The following PARK7 variants were observed in gnomAD, a reference collection of about 807,000 sequenced individuals.
PARK7 encodes the protein Parkinson disease protein 7.
PARK7 carries 14 observed loss-of-function variants against 20.5 expected under a neutral mutation model. The ratio of observed to expected loss-of-function variants is 0.68; its 90% CI spans 0.45 to 1.07. PARK7 has a LOEUF of 1.07. Ranked by LOEUF, PARK7 falls within the 50% of genes least tolerant of loss-of-function variation. The pLI is 0.00. For synonymous variants in PARK7, 98 were observed against 84.3 expected, an observed-to-expected ratio of 1.16 and a Z score of -0.89; for missense variants, 234 against 238.1, an observed-to-expected ratio of 0.98 and a Z score of 0.11.
chr1:7,969,219 C>A, intron 3 of PARK7, 126 bp from the exon 4 acceptor site: 1 of 729,482 alleles, frequency 1.4e-6, no homozygotes, highest in Non-Finnish European at 2.3e-6. Context: ...TTTAACTGTT[C>A]TATTGGCAGA....
Position 7,969,342 on chromosome 1 carries a change from C to A in PARK7, c.193-3C>A. On this transcript the variant is annotated splice_polypyrimidine_tract_variant and splice_region_variant and intron_variant, in intron 3 of 6. Transcript: ENST00000338639. ...GTTTTCTTTATGTTTTAAACTGTTACAGGGACCATATGATGTGGTGGTTCT... is the reference window on the plus strand; with the variant it reads ...GTTTTCTTTATGTTTTAAACTGTTAAAGGGACCATATGATGTGGTGGTTCT... 1 of 1,610,598 alleles carries A rather than the reference C, an allele frequency of 6.2e-7. No homozygotes were observed. Among genetic ancestry groups the A allele is most frequent in the South Asian group, 1.1e-5 (1 of 90,818 alleles).
In PARK7 at chr1:7,965,404, C is replaced by T. The variant is rs1640303863; in HGVS notation, c.171C>T (p.Ser57=). Reference sequence around the variant, plus strand: ...ATGTGGTCATTTGTCCTGATGCCAGCCTTGAAGATGCAAAAAAAGAGGTTT... The same window carrying T: ...ATGTGGTCATTTGTCCTGATGCCAGTCTTGAAGATGCAAAAAAAGAGGTTT... ...SRDVVICPDA[S]LEDAKKEGPY... Residue 57 remains serine, a synonymous_variant, in exon 3 of 7, where the codon AGC becomes AGT. Coordinates refer to ENST00000338639, the MANE Select transcript of PARK7 (RefSeq NM_007262.5). The T allele has an allele frequency of 5.6e-6, 9 of 1,614,136 alleles. No homozygotes were observed. The highest frequency in any genetic ancestry group is 1.1e-5 in the South Asian group (1 of 91,086).
At chr1:7,978,557 T>C (rs1640636475) in intron 6 of PARK7, among the ~76,000 whole-genome samples, 1 of 152,166 alleles carries the variant, frequency 6.6e-6, no homozygotes, top group African/African-American at 2.4e-5. Context: ...CACAAGTTTC[T>C]TGTAGACTGG....
At chr1:7,983,142 T>C (rs1640745428) in intron 6 of PARK7, among the ~76,000 whole-genome samples, 1 of 152,230 alleles carries the variant, frequency 6.6e-6, no homozygotes, top group Non-Finnish European at 1.5e-5. Flanking sequence ...TTTCTGCGTG[T>C]TCATTGAACA....
In PARK7 at chr1:7,985,099, A is replaced by T. The variant is rs776029338; in HGVS notation, c.*45A>T. ...CACTTAGAGAAACAGGCCGTTAGGA[A>T]TCCATTCTCACTGTGTTCGCTCTAA... On this transcript the variant is annotated 3_prime_UTR_variant, in exon 7 of 7. Transcript: ENST00000338639. The T allele has an allele frequency of 2.5e-6, 4 of 1,599,790 alleles. No homozygotes were observed. The African/African-American group carries it at 5.4e-5, about 21-fold the overall frequency.
intron 6 of PARK7, among the ~76,000 whole-genome samples, chr1:7,979,986 C>T (rs1223451423): frequency 6.6e-6 from 1 of 151,904 alleles, no homozygotes; most frequent in Admixed American, 6.6e-5. Context: ...GGTGAAACCC[C>T]GTCTCTACTA....
At chr1:7,966,565 G>A (rs1287429097) in intron 3 of PARK7, among the ~76,000 whole-genome samples, 1 of 151,938 alleles carries the variant, frequency 6.6e-6, no homozygotes, top group Non-Finnish European at 1.5e-5. Context: ...AGGTGTGGTG[G>A]TGCATGCCTG....
chr1:7,977,680 A>G lies in PARK7; in HGVS notation c.351A>G (p.Ile117Met), dbSNP rs1640613586. ...CTACTGCTCTGTTGGCTCATGAAAT[A>G]GGTTTTGGAAGTAAAGTTACAACAC... ...AGPTALLAHE[I>M]GFGSKVTTHP... Residue 117 changes from isoleucine to methionine, a missense_variant, in exon 6 of 7, where the codon ATA (isoleucine) becomes ATG (methionine). Coordinates refer to ENST00000338639, the MANE Select transcript of PARK7 (RefSeq NM_007262.5). The G allele has an allele frequency of 6.2e-7, 1 of 1,614,016 alleles. No homozygotes were observed. The highest frequency in any genetic ancestry group is 8.5e-7 in the Non-Finnish European group (1 of 1,179,982).
chr1:7,974,604 G>A (rs565948895), intron 5 of PARK7, among the ~76,000 whole-genome samples: 6 of 151,542 alleles, frequency 4.0e-5, no homozygotes, highest in Non-Finnish European at 7.4e-5. Context: ...TCTCCAGCCT[G>A]GGCGACAGAG....
At chr1:7,974,139 C>CCCT (rs1260142571) in intron 5 of PARK7, among the ~76,000 whole-genome samples, 4 of 146,360 alleles carry the variant, frequency 2.7e-5, no homozygotes, top group Non-Finnish European at 6.1e-5. Flanking sequence ...GTGAGACCCC[C>CCCT]CCACCGACCT....
At chr1:7,964,713 CT>C (rs36080336) in intron 2 of PARK7, among the ~76,000 whole-genome samples, 1 of 152,350 alleles carries the variant, frequency 6.6e-6, no homozygotes, top group African/African-American at 2.4e-5. Context: ...AAAATTCCCA[CT>C]TTCCCAGTGC....
chr1:7,963,644 G>A (rs1640260543), intron 2 of PARK7, among the ~76,000 whole-genome samples: 1 of 151,816 alleles, frequency 6.6e-6, no homozygotes, highest in Admixed American at 6.6e-5. Flanking sequence ...TACAGTGCTG[G>A]GATTACAGGC....
chr1:7,979,769 T>C (rs1640671263), intron 6 of PARK7, among the ~76,000 whole-genome samples: 1 of 152,204 alleles, frequency 6.6e-6, no homozygotes, highest in African/African-American at 2.4e-5. Context: ...CCCAAAGTAC[T>C]AGGATTACAG....
At chr1:7,975,674 A>C (rs1044205226) in intron 5 of PARK7, among the ~76,000 whole-genome samples, 2 of 152,218 alleles carry the variant, frequency 1.3e-5, no homozygotes, top group Non-Finnish European at 2.9e-5. Context: ...CAACTGTAAC[A>C]TAAATTTATT....
chr1:7,975,770 C>A (rs796366821), intron 5 of PARK7, among the ~76,000 whole-genome samples: 1 of 152,340 alleles, frequency 6.6e-6, no homozygotes, highest in African/African-American at 2.4e-5. Context: ...ACTGTGCTAT[C>A]ATCTATTAAA....
chr1:7,964,550 G>A (rs1176162854), intron 2 of PARK7, among the ~76,000 whole-genome samples: 1 of 152,164 alleles, frequency 6.6e-6, no homozygotes, highest in Non-Finnish European at 1.5e-5. Flanking sequence ...GTATTCTTGT[G>A]TAGGTTTCTT....
At chr1:7,970,034 ATTTTCT>A (rs553447157) in intron 4 of PARK7, among the ~76,000 whole-genome samples, 8 of 151,982 alleles carry the variant, frequency 5.3e-5, no homozygotes, top group Non-Finnish European at 2.9e-5. Flanking sequence ...TCTACAAAAA[ATTTTCT>A]TTTAATTAGC....
chr1:7,975,492 G>A (rs184228122), intron 5 of PARK7, among the ~76,000 whole-genome samples: 13 of 152,252 alleles, frequency 8.5e-5, no homozygotes, highest in East Asian at 3.9e-4. Context: ...GGTCAGCTGC[G>A]CCCTCTGCAC....
intron 5 of PARK7, among the ~76,000 whole-genome samples, chr1:7,976,082 A>G (rs924100956): frequency 6.6e-6 from 1 of 152,214 alleles, no homozygotes; most frequent in South Asian, 2.1e-4. Context: ...TGTAACAGCT[A>G]CGGTCTGAGT....
Sources: allele counts gnomAD v4.1 joint callset (sites outside exome capture counted in the v4.1 genomes callset), GRCh38; gene constraint gnomAD v4.1.1; transcripts MANE v1.5; gene names NCBI Gene and HGNC (gene_info 2026-07-23, HGNC 2026-07-21).